SPRY3: variants seen among roughly 807,000 people sequenced by gnomAD.
The protein encoded by SPRY3 is protein sprouty homolog 3.
Under a neutral mutation model 20.2 loss-of-function variants are expected in SPRY3, and 15 were observed. The ratio of observed to expected loss-of-function variants is 0.74; its 90% CI spans 0.50 to 1.14. The LOEUF is 1.14. Among genes scored for constraint, SPRY3 ranks in the 50% most tolerant of loss-of-function variants. The probability of loss-of-function intolerance (pLI) is 0.00; values close to 1 mark genes in which losing one functional copy is unlikely to be tolerated. For synonymous variants in SPRY3, 143 were observed against 136.5 expected (o/e 1.05, Z -0.33); for missense variants, 364 against 363.9 (o/e 1.00, Z 0.00).
intron 3 of SPRY3, among the ~76,000 whole-genome samples, chrX:155,768,995 G>A (rs2091364980): frequency 6.6e-6 from 1 of 152,178 alleles, no homozygotes; most frequent in Admixed American, 6.5e-5. Flanking sequence ...GTATCATGAT[G>A]TGTTATCACA....
At chrX:155,758,064 T>C (rs960263623) in intron 2 of SPRY3, among the ~76,000 whole-genome samples, 6 of 152,186 alleles carry the variant, frequency 3.9e-5, no homozygotes, top group African/African-American at 1.4e-4. Context: ...GGCTAGCCCA[T>C]CATTATTTAA....
At chrX:155,623,082 C>A (rs1194602059) in intron 1 of SPRY3, among the ~76,000 whole-genome samples, 1 of 112,027 alleles carries the variant, frequency 8.9e-6, no homozygotes, top group Non-Finnish European at 1.9e-5. Context: ...TTCTGATGTG[C>A]AGCTGATTGA....
intron 2 of SPRY3, among the ~76,000 whole-genome samples, chrX:155,720,397 G>A (rs2091049420): frequency 6.6e-6 from 1 of 152,158 alleles, no homozygotes; most frequent in African/African-American, 2.4e-5. Context: ...GAAGGACACA[G>A]GCCTGTCTGG....
At chrX:155,698,699 C>T (rs981156239) in intron 2 of SPRY3, among the ~76,000 whole-genome samples, 1 of 111,700 alleles carries the variant, frequency 9.0e-6, no homozygotes, top group Non-Finnish European at 1.9e-5. Flanking sequence ...GTAATGGATG[C>T]TGAGAAGCAA....
chrX:155,670,242 T>C (rs1557354640), intron 2 of SPRY3, among the ~76,000 whole-genome samples: 1 of 111,566 alleles, frequency 9.0e-6, no homozygotes, highest in African/African-American at 3.2e-5. Context: ...CTCTATTATT[T>C]ATGAAAAGTG....
chrX:155,644,609 C>A (rs782008518), intron 1 of SPRY3, among the ~76,000 whole-genome samples: 8 of 111,105 alleles, frequency 7.2e-5, no homozygotes, highest in Non-Finnish European at 1.5e-4. Context: ...GGAGCCTCAC[C>A]TTATGGCCAC....
chrX:155,641,130 G>A (rs2067938784), intron 1 of SPRY3, among the ~76,000 whole-genome samples: 1 of 111,419 alleles, frequency 9.0e-6, no homozygotes, highest in Non-Finnish European at 1.9e-5. Context: ...TTTTAATTAT[G>A]ATGAAGTGTT....
chrX:155,705,576 T>C (rs919524809), intron 2 of SPRY3, among the ~76,000 whole-genome samples: 1 of 151,330 alleles, frequency 6.6e-6, no homozygotes, highest in Non-Finnish European at 1.5e-5. Context: ...TCAGATTGGA[T>C]TTAAAAATAA....
chrX:155,669,964 C>T (rs782419693), intron 2 of SPRY3: 9 of 110,935 alleles, frequency 8.1e-5, no homozygotes, highest in Non-Finnish European at 1.5e-4. Flanking sequence ...AAGAACAACA[C>T]CAAAACGAAT....
rs927819283 is a variant in SPRY3 at position 155,767,904 on chromosome X, TTTTTG to T, written c.-281-26_-281-22del. 5.7e-4 allele frequency: 86 copies of T among 151,660 alleles called. 1 individual carries two copies. The East Asian group carries it at 6.9e-3, about 12-fold the overall frequency. The allele number at this position is 151,660 out of a possible 1,614,324, so 9.4% of individuals were successfully genotyped here. A position where few individuals can be genotyped will look rare whatever the true frequency, so the allele number is the denominator to read the frequency against. ...GGTTTGACTCGCCCCCTCCCCCGTT[TTTTTG>T]TTTTGTTTTGTTTTGTTTTGTTTTG... On this transcript the variant is annotated intron_variant, in intron 2 of 3. Coordinates refer to ENST00000675360, the Ensembl canonical transcript of SPRY3.
At chrX:155,771,679 T>C (rs955220137) in intron 3 of SPRY3, among the ~76,000 whole-genome samples, 1 of 152,170 alleles carries the variant, frequency 6.6e-6, no homozygotes, top group African/African-American at 2.4e-5. Context: ...GTGTCCTTTT[T>C]TATTTGGGTG....
At chrX:155,713,866 G>A (rs921120977) in intron 2 of SPRY3, among the ~76,000 whole-genome samples, 10 of 151,912 alleles carry the variant, frequency 6.6e-5, no homozygotes. Flanking sequence ...AGATCTGTAG[G>A]CATACTTCAT....
intron 2 of SPRY3, among the ~76,000 whole-genome samples, chrX:155,722,260 C>T (rs1243541582): frequency 3.3e-5 from 5 of 152,136 alleles, no homozygotes; most frequent in African/African-American, 9.7e-5. Context: ...CAGTGGCTCA[C>T]GCCTGTAATC....
intron 2 of SPRY3, among the ~76,000 whole-genome samples, chrX:155,708,598 A>AT (rs1347114592): frequency 3.3e-5 from 5 of 151,162 alleles, no homozygotes; most frequent in East Asian, 3.9e-4. Context: ...CTTTCTTCAT[A>AT]TTTTTTATTT....
At chrX:155,687,447 T>G (rs1484779893) in intron 2 of SPRY3, among the ~76,000 whole-genome samples, 1 of 112,686 alleles carries the variant, frequency 8.9e-6, no homozygotes, top group Non-Finnish European at 1.9e-5. Context: ...TAATCCAAAT[T>G]GACTTTATCA....
chrX:155,745,701 C>T (rs956587347), intron 2 of SPRY3, among the ~76,000 whole-genome samples: 1 of 152,044 alleles, frequency 6.6e-6, no homozygotes, highest in Non-Finnish European at 1.5e-5. Context: ...AAGTATTTAC[C>T]TCATAGGTTT....
intron 2 of SPRY3, among the ~76,000 whole-genome samples, chrX:155,754,613 T>C (rs1401580401): frequency 1.3e-5 from 2 of 152,002 alleles, no homozygotes; most frequent in African/African-American, 4.8e-5. Context: ...GGTTCATTCA[T>C]GAATTTTTGC....
chrX:155,721,621 G>A (rs1000495446), intron 2 of SPRY3, among the ~76,000 whole-genome samples: 98 of 152,082 alleles, frequency 6.4e-4, no homozygotes, highest in Non-Finnish European at 1.2e-3. Context: ...TCAGTGGAAA[G>A]CTTACAGGTT....
At chrX:155,631,617 T>C (rs149104216) in intron 1 of SPRY3, among the ~76,000 whole-genome samples, 3,300 of 112,534 alleles carry the variant, frequency 0.029, 112 homozygotes, top group African/African-American at 0.098. Context: ...TGCTGTTTTT[T>C]TGACTTTTTA....
Sources: gnomAD v4.1 joint callset for allele counts (sites outside exome capture counted in the v4.1 genomes callset) on GRCh38, gnomAD v4.1.1 for gene constraint, MANE v1.5 for transcripts, NCBI Gene and HGNC (gene_info 2026-07-23, HGNC 2026-07-21) for gene names.